Variants in ROBO2 observed in about 807,000 individuals in gnomAD.
ROBO2 encodes roundabout guidance receptor 2, also known as roundabout homolog 2.
A neutral mutation model predicts 160.8 loss-of-function variants in ROBO2; 53 were observed. The ratio of observed to expected loss-of-function variants is 0.33; its 90% CI spans 0.26 to 0.41. The LOEUF (loss-of-function observed/expected upper bound fraction) is 0.41. Among genes scored for constraint, ROBO2 ranks in the 10% least tolerant of loss-of-function variants. The pLI, the probability that ROBO2 is intolerant of heterozygous loss-of-function variation, is 1.00. For missense variants in ROBO2, 1,577 were observed against 1,722.4 expected, an observed-to-expected ratio of 0.92 and a Z score of 1.49; for synonymous variants, 664 against 611.7, an observed-to-expected ratio of 1.09 and a Z score of -1.26.
chr3:77,279,258 ATT>A (rs1331549544), intron 2 of ROBO2, among the ~76,000 whole-genome samples: 1 of 151,994 alleles, frequency 6.6e-6, no homozygotes, highest in Admixed American at 6.6e-5. Flanking sequence ...ATGACCATAA[ATT>A]TTTTTAACTC....
intron 2 of ROBO2, among the ~76,000 whole-genome samples, chr3:76,566,628 A>G (rs978884945): frequency 1.3e-5 from 2 of 152,166 alleles, no homozygotes; most frequent in Non-Finnish European, 2.9e-5. Context: ...AATAATACCA[A>G]TGGCTTTACT....
intron 2 of ROBO2, among the ~76,000 whole-genome samples, chr3:76,801,581 T>A (rs1470581673): frequency 6.6e-6 from 1 of 151,922 alleles, no homozygotes; most frequent in African/African-American, 2.4e-5. Flanking sequence ...CCATAAAGTT[T>A]TTTTTTTAAA....
intron 1 of ROBO2, among the ~76,000 whole-genome samples, chr3:77,063,725 T>G (rs555824088): frequency 1.0e-3 from 156 of 152,230 alleles, no homozygotes; most frequent in Non-Finnish European, 1.9e-3. Context: ...AAATATTCGT[T>G]GAATTCAATC....
chr3:77,335,593 C>A (rs1317468124), intron 2 of ROBO2, among the ~76,000 whole-genome samples: 1 of 152,154 alleles, frequency 6.6e-6, no homozygotes, highest in Non-Finnish European at 1.5e-5. Flanking sequence ...AGACCCCAAG[C>A]CCATTCATAA....
intron 2 of ROBO2, among the ~76,000 whole-genome samples, chr3:76,036,022 A>G (rs2067093366): frequency 6.6e-6 from 1 of 152,146 alleles, no homozygotes; most frequent in African/African-American, 2.4e-5. Context: ...TTCTAAAGCT[A>G]GAGTCAGGAT....
At chr3:76,116,861 C>A (rs2070492378) in intron 2 of ROBO2, among the ~76,000 whole-genome samples, 1 of 151,994 alleles carries the variant, frequency 6.6e-6, no homozygotes, top group Non-Finnish European at 1.5e-5. Flanking sequence ...TTGAGTAAAA[C>A]CTTAAAAAGC....
At chr3:76,336,948 T>A (rs2073932568) in intron 2 of ROBO2, among the ~76,000 whole-genome samples, 1 of 152,108 alleles carries the variant, frequency 6.6e-6, no homozygotes, top group East Asian at 1.9e-4. Flanking sequence ...TATGAATTTT[T>A]AAAATAGATT....
intron 2 of ROBO2, among the ~76,000 whole-genome samples, chr3:75,989,328 G>A (rs1576397069): frequency 6.6e-6 from 1 of 152,078 alleles, no homozygotes; most frequent in East Asian, 1.9e-4. Flanking sequence ...GTGTTGGCCA[G>A]GCTGGTCTCG....
rs116453960 is a variant in ROBO2, at chr3:76,847,428, G to T, written c.110-250586G>T. ...GAAATGTATGTACAAGAGATTAATG[G>T]ATAAATCACAGTGGCAGACTATTGA... On this transcript the variant is annotated intron_variant, in intron 2 of 26. Coordinates refer to the ROBO2 transcript ENST00000487694. 8.0e-3 allele frequency among the ~76,000 whole-genome samples: 1,216 copies of T among 152,244 alleles called. 20 individuals carry two copies. Among genetic ancestry groups the T allele is most frequent in the African/African-American group, 0.028 (1,161 of 41,534 alleles).
intron 2 of ROBO2, among the ~76,000 whole-genome samples, chr3:76,954,690 C>T (rs1420827256): frequency 1.3e-5 from 2 of 152,046 alleles, no homozygotes; most frequent in East Asian, 1.9e-4. Context: ...TAAAGTTTCC[C>T]ATGGTTTTCA....
At chr3:76,217,113 G>A (rs1338336963) in intron 2 of ROBO2, among the ~76,000 whole-genome samples, 3 of 152,118 alleles carry the variant, frequency 2.0e-5, no homozygotes, top group African/African-American at 7.2e-5. Flanking sequence ...TGAAACCAAC[G>A]AGAACAAAGA....
chr3:77,647,666 C>T (rs2095421554), exon 26 of ROBO2: 1 of 152,060 alleles, frequency 6.6e-6, no homozygotes, highest in African/African-American at 2.4e-5. Flanking sequence ...CTGAAATTCC[C>T]ACTTGTGACA....
At chr3:76,803,048 T>C (rs1278224334) in intron 2 of ROBO2, among the ~76,000 whole-genome samples, 1 of 152,170 alleles carries the variant, frequency 6.6e-6, no homozygotes, top group African/African-American at 2.4e-5. Flanking sequence ...ATTACATTAA[T>C]AGAAAAGAGA....
At chr3:76,423,569 A>T (rs2076084136) in intron 2 of ROBO2, among the ~76,000 whole-genome samples, 1 of 152,170 alleles carries the variant, frequency 6.6e-6, no homozygotes, top group African/African-American at 2.4e-5. Context: ...GAAAATAGGA[A>T]AGCAGGGAGC....
intron 2 of ROBO2, among the ~76,000 whole-genome samples, chr3:77,299,070 T>C (rs992495843): frequency 6.6e-6 from 1 of 151,958 alleles, no homozygotes; most frequent in Admixed American, 6.6e-5. Context: ...ATGTGCATGA[T>C]GAGGAACAGG....
chr3:77,552,531 C>T (rs1193857426), intron 8 of ROBO2, among the ~76,000 whole-genome samples: 1 of 152,010 alleles, frequency 6.6e-6, no homozygotes, highest in Non-Finnish European at 1.5e-5. Flanking sequence ...TATTACAAAA[C>T]AGTAGTTAGT....
At chr3:77,612,912 C>A (rs1182704148) in intron 21 of ROBO2, among the ~76,000 whole-genome samples, 3 of 151,652 alleles carry the variant, frequency 2.0e-5, no homozygotes, top group Non-Finnish European at 4.4e-5. Flanking sequence ...GAGATCGCGC[C>A]ACTGCACTCC....
At chr3:77,515,490 T>A (rs2089917789) in intron 5 of ROBO2, among the ~76,000 whole-genome samples, 1 of 151,746 alleles carries the variant, frequency 6.6e-6, no homozygotes, top group South Asian at 2.1e-4. Flanking sequence ...CACACACAAC[T>A]ACAAATTTAT....
At chr3:77,583,955 G>A (rs80322089) in intron 16 of ROBO2, among the ~76,000 whole-genome samples, 5,831 of 152,072 alleles carry the variant, frequency 0.038, 132 homozygotes, top group African/African-American at 0.06. Flanking sequence ...CTGGGCTTCC[G>A]GTGAGAAGCC....
Sources: gnomAD v4.1 joint callset for allele counts (sites outside exome capture counted in the v4.1 genomes callset) on GRCh38, gnomAD v4.1.1 for gene constraint, MANE v1.5 for transcripts, NCBI Gene and HGNC (gene_info 2026-07-23, HGNC 2026-07-21) for gene names.